Variants in CHUK observed in about 807,000 individuals in gnomAD.
The protein encoded by CHUK is component of inhibitor of nuclear factor kappa B kinase complex.
In CHUK, 35 loss-of-function variants were observed where a neutral mutation model predicts 104.8. That is an observed-to-expected ratio of 0.33 (90% CI 0.26 to 0.44). The LOEUF is 0.44. Ranked by LOEUF, CHUK falls within the 20% of genes least tolerant of loss-of-function variation. The pLI, the probability that CHUK is intolerant of heterozygous loss-of-function variation, is 1.00. For missense variants in CHUK, 663 were observed against 902.7 expected, an observed-to-expected ratio of 0.73 and a Z score of 3.40; for synonymous variants, 276 against 291.9, an observed-to-expected ratio of 0.95 and a Z score of 0.56.
At chr10:100,205,000 G>A in intron 12 of CHUK, 76 bp downstream of exon 12, 2 of 1,542,196 alleles carry the variant, frequency 1.3e-6, no homozygotes, top group South Asian at 2.2e-5. Context: ...ATATTGATTA[G>A]TGAAAACCGG....
intron 19 of CHUK, among the ~76,000 whole-genome samples, chr10:100,191,768 C>G (rs1845210734): frequency 6.6e-6 from 1 of 152,170 alleles, no homozygotes; most frequent in South Asian, 2.1e-4. Context: ...CAAACAGTTC[C>G]CAATCCTTGG....
At chr10:100,210,693 A>C (rs1204260789) in intron 9 of CHUK, among the ~76,000 whole-genome samples, 1 of 152,226 alleles carries the variant, frequency 6.6e-6, no homozygotes, top group African/African-American at 2.4e-5. Flanking sequence ...AACAGGAAAA[A>C]GCATTGTTAT....
chr10:100,216,936 G>A (rs1015599282), intron 9 of CHUK, among the ~76,000 whole-genome samples: 7 of 152,152 alleles, frequency 4.6e-5, no homozygotes, highest in African/African-American at 1.7e-4. Flanking sequence ...GAAGACAACA[G>A]TCTATATGAA....
chr10:100,191,258 T>C (rs1447388029), intron 19 of CHUK, among the ~76,000 whole-genome samples: 3 of 152,234 alleles, frequency 2.0e-5, no homozygotes, highest in Non-Finnish European at 2.9e-5. Flanking sequence ...AACTTGTTTT[T>C]CCCGTGAAAA....
intron 1 of CHUK, among the ~76,000 whole-genome samples, chr10:100,228,999 A>G (rs533023688): frequency 0.033 from 4,788 of 145,538 alleles, 87 homozygotes; most frequent in East Asian, 0.083. Context: ...GCGCGCACAC[A>G]CACACACACA....
intron 2 of CHUK, among the ~76,000 whole-genome samples, chr10:100,223,209 GT>G (rs1206806194): frequency 1.3e-5 from 2 of 152,136 alleles, no homozygotes; most frequent in African/African-American, 4.8e-5. Flanking sequence ...GTGCCAAGCA[GT>G]AAACATTTTA....
chr10:100,192,964 C>T (rs1209696947), intron 19 of CHUK: 1 of 305,354 alleles, frequency 3.3e-6, no homozygotes, highest in Non-Finnish European at 6.2e-6. Flanking sequence ...AAGTAATAAG[C>T]CAATAAAAGA....
Position 100,190,868 on chromosome 10 carries a change from C to G in CHUK, c.2208+1G>C. ...GGCACCCATATCCACACAAAACTTA[C>G]CATCATACTATTGCCCTGTTCCTCA... is the stretch of plus-strand genomic sequence containing the variant. On this transcript the variant is annotated splice_donor_variant, in intron 20 of 20. Transcript: ENST00000370397. LOFTEE classifies it high-confidence loss of function. The G allele has an allele frequency of 6.3e-7, 1 of 1,576,860 alleles. No homozygotes were observed. The highest frequency in any genetic ancestry group is 1.1e-5 in the South Asian group (1 of 90,222).
chr10:100,218,757 C>A lies in CHUK; in HGVS notation c.758G>T (p.Arg253Leu), dbSNP rs755125432. 1.9e-6 allele frequency: 3 copies of A among 1,613,758 alleles called. No homozygotes were observed. The highest frequency in any genetic ancestry group is 2.5e-6 in the Non-Finnish European group (3 of 1,179,774). Residue 253 changes from arginine to leucine, a missense_variant, in exon 8 of 21, where the codon CGG (arginine) becomes CTG (leucine). Transcript: ENST00000370397. Reference sequence around the variant, plus strand: ...TGGTTGAGGTAAATGGCTACTAAACCGAACTTCTCCTGACATCTCTTCACA... The same window carrying A: ...TGGTTGAGGTAAATGGCTACTAAACAGAACTTCTCCTGACATCTCTTCACA... The part of the protein sequence containing the change: ...FACEEMSGEV[R>L]FSSHLPQPNS...
chr10:100,194,311 C>A (rs1484431842), intron 17 of CHUK, 114 bp downstream of exon 17: 2 of 1,041,092 alleles, frequency 1.9e-6, no homozygotes, highest in East Asian at 2.5e-5. Flanking sequence ...ACCCAAGGTA[C>A]CTTCAGAATT....
At chr10:100,198,750 A>T (rs1026414740) in intron 16 of CHUK, among the ~76,000 whole-genome samples, 1 of 152,234 alleles carries the variant, frequency 6.6e-6, no homozygotes, top group Non-Finnish European at 1.5e-5. Context: ...ATAGTATATG[A>T]AATACAATTT....
chr10:100,188,505 G>T lies in CHUK; in HGVS notation c.*1093C>A, dbSNP rs1845122845. 2 of 152,560 alleles carry T rather than the reference G, an allele frequency of 1.3e-5. No homozygotes were observed. The highest frequency in any genetic ancestry group is 4.8e-5 in the African/African-American group (2 of 41,412). 9.5% of individuals were successfully genotyped at this position (152,560 alleles called of 1,614,324 possible). On this transcript the variant is annotated 3_prime_UTR_variant, in exon 21 of 21. Coordinates refer to ENST00000370397, the MANE Select transcript of CHUK (RefSeq NM_001278.5). ...ACAGTCCTTTCTCTGAAACCCTTGG[G>T]GCAAGTTGTTTCAGAATTATGAAAT...
chr10:100,206,892 C>T (rs1845601684), intron 11 of CHUK, among the ~76,000 whole-genome samples: 1 of 152,102 alleles, frequency 6.6e-6, no homozygotes, highest in African/African-American at 2.4e-5. Context: ...AAGCAGTATT[C>T]ACAGGAAAAA....
At chr10:100,222,842 C>G (rs1471526824) in intron 3 of CHUK, 24 bp downstream of exon 3, 3 of 1,083,654 alleles carry the variant, frequency 2.8e-6, no homozygotes, top group Non-Finnish European at 4.3e-6. Context: ...TTTACTCTCT[C>G]TCATCTCAAA....
intron 9 of CHUK, among the ~76,000 whole-genome samples, chr10:100,210,126 C>T (rs1373058619): frequency 4.1e-5 from 6 of 144,876 alleles, no homozygotes; most frequent in Non-Finnish European, 9.0e-5. Context: ...CTCGCTCTGT[C>T]GCCCAGGCTG....
chr10:100,207,515 T>C (rs1845616202), intron 10 of CHUK, among the ~76,000 whole-genome samples, 183 bp from the exon 11 acceptor site: 2 of 152,202 alleles, frequency 1.3e-5, no homozygotes, highest in Non-Finnish European at 2.9e-5. Context: ...CCCAAACTTT[T>C]GTATGGGCTA....
At position 100,204,518 on chromosome 10, in the gene CHUK, T is replaced by A. The variant is rs1014224109; in HGVS notation, c.1495A>T (p.Thr499Ser). The change falls in exon 13 of 21, where the codon ACG becomes TCG. Residue 499 changes from threonine (T) to serine (S), a missense_variant. Physicochemically the swap from Thr to Ser is moderately conservative, Grantham distance 58. This residue lies in a region of CHUK where 311 missense variants were observed against 393.4 expected (regional missense o/e 0.79). Transcript: ENST00000370397. The part of the protein sequence containing the change: ...LDLERYSEQM[T>S]YGISSEKMLK... ...CACAGACACTTACATATCCCATACG[T>A]CATCTGCTCGCTGTATCTCTCCAAG... 5 of 1,613,442 alleles carry A rather than the reference T, an allele frequency of 3.1e-6. No homozygotes were observed. The highest frequency in any genetic ancestry group is 4.2e-6 in the Non-Finnish European group (5 of 1,179,648).
At chr10:100,216,827 AG>A (rs1457703222) in intron 9 of CHUK, among the ~76,000 whole-genome samples, 3 of 152,208 alleles carry the variant, frequency 2.0e-5, no homozygotes, top group African/African-American at 7.2e-5. Flanking sequence ...TAATTTACTA[AG>A]AACCTGATAC....
At chr10:100,210,384 G>A (rs954261535) in intron 9 of CHUK, among the ~76,000 whole-genome samples, 6 of 152,110 alleles carry the variant, frequency 3.9e-5, no homozygotes, top group Non-Finnish European at 8.8e-5. Context: ...ACCGCGCCCG[G>A]CCTAAGTTAT....
Sources: allele counts gnomAD v4.1 joint callset (sites outside exome capture counted in the v4.1 genomes callset), GRCh38; gene constraint gnomAD v4.1.1; regional missense constraint gnomAD v4.1.1; transcripts MANE v1.5; gene names NCBI Gene and HGNC (gene_info 2026-07-23, HGNC 2026-07-21).